Variants in EPB41L3 observed in about 807,000 individuals in gnomAD.
EPB41L3 encodes the protein erythrocyte membrane protein band 4.1 like 3.
In EPB41L3, 57 loss-of-function variants were observed where a neutral mutation model predicts 127.1. That is an observed-to-expected ratio of 0.45 (90% CI 0.36 to 0.56). EPB41L3 has a LOEUF of 0.56. Ranked by LOEUF, EPB41L3 falls within the 20% of genes least tolerant of loss-of-function variation. The pLI is 0.00. For missense variants in EPB41L3, 1,273 were observed against 1,372.2 expected (o/e 0.93, Z 1.14); for synonymous variants, 572 against 549.5 (o/e 1.04, Z -0.57).
At chr18:5,529,436 A>T (rs2093341567) in intron 1 of EPB41L3, among the ~76,000 whole-genome samples, 2 of 152,078 alleles carry the variant, frequency 1.3e-5, no homozygotes, top group South Asian at 4.1e-4. Flanking sequence ...TCTCAGCCCT[A>T]GCCCACTGCA....
At chr18:5,545,064 CAT>C (rs1354314944), upstream of EPB41L3, among the ~76,000 whole-genome samples, 1 of 152,106 alleles carries the variant, frequency 6.6e-6, no homozygotes, top group African/African-American at 2.4e-5. Flanking sequence ...TATCAACTCA[CAT>C]AGTTATGCAT....
At position 5,398,121 on chromosome 18, in the gene EPB41L3, T is replaced by A. The variant is rs1307479681; in HGVS notation, c.2372A>T (p.Lys791Met). ...GAAGATTTCAGAGCCATCCATGAGC[T>A]TTTCCCCAGAAGACTGCTTAGTCTG... is the stretch of plus-strand genomic sequence containing the variant. ...PEETKQSSGE[K>M]LMDGSEIFSL... is the part of the protein sequence containing the mutation. The change falls in exon 17 of 23, where the codon AAG becomes ATG. Residue 791 changes from lysine (K) to methionine (M), a missense_variant. Coordinates refer to ENST00000341928, the MANE Select transcript of EPB41L3 (RefSeq NM_012307.5). The A allele has an allele frequency of 3.1e-6, 5 of 1,613,928 alleles. No individual in the cohort carries two copies. In the Admixed American group the frequency reaches 5.0e-5, roughly 16 times the overall value.
intron 15 of EPB41L3, chr18:5,407,279 C>G (rs964437316): frequency 7.4e-6 from 3 of 404,448 alleles, no homozygotes; most frequent in African/African-American, 6.0e-5. Context: ...GAAAAGGGAT[C>G]TATATCTAGG....
At chr18:5,488,058 C>T (rs1388420152) in intron 2 of EPB41L3, among the ~76,000 whole-genome samples, 1 of 152,094 alleles carries the variant, frequency 6.6e-6, no homozygotes, top group African/African-American at 2.4e-5. Flanking sequence ...AGACAAAAGA[C>T]ATTTAAATAT....
intron 3 of EPB41L3, among the ~76,000 whole-genome samples, chr18:5,572,608 C>T (rs1244916209): frequency 6.6e-6 from 1 of 152,206 alleles, no homozygotes; most frequent in East Asian, 1.9e-4. Context: ...GGGTCTCACT[C>T]TGTTGCCCAG....
intron 1 of EPB41L3, among the ~76,000 whole-genome samples, chr18:5,504,215 T>A (rs747446961): frequency 6.6e-6 from 1 of 152,162 alleles, no homozygotes; most frequent in African/African-American, 2.4e-5. Context: ...CCCAGGACTT[T>A]CAGTTCAACT....
At chr18:5,549,571 T>C (rs981311771) in intron 3 of EPB41L3, among the ~76,000 whole-genome samples, 6 of 152,162 alleles carry the variant, frequency 3.9e-5, no homozygotes, top group Non-Finnish European at 5.9e-5. Flanking sequence ...TCTGTGTCAA[T>C]AAAAATCTTA....
chr18:5,406,579 C>T (rs2075422891), intron 16 of EPB41L3, among the ~76,000 whole-genome samples, 198 bp downstream of exon 16: 1 of 152,190 alleles, frequency 6.6e-6, no homozygotes, highest in Non-Finnish European at 1.5e-5. Context: ...CCATCTGATG[C>T]TATTACTCAC....
intron 1 of EPB41L3, among the ~76,000 whole-genome samples, chr18:5,540,000 T>C (rs1273858305): frequency 2.0e-5 from 3 of 152,196 alleles, no homozygotes; most frequent in Admixed American, 2.0e-4. Context: ...GCCTACCCAA[T>C]AAGTAAATTG....
chr18:5,559,053 A>T (rs2094083250), intron 3 of EPB41L3, among the ~76,000 whole-genome samples: 1 of 152,202 alleles, frequency 6.6e-6, no homozygotes, highest in East Asian at 1.9e-4. Context: ...ATAAGATCTC[A>T]AAAAAAGAAT....
chr18:5,464,327 C>CA (rs1285689098), intron 3 of EPB41L3, among the ~76,000 whole-genome samples: 2 of 152,136 alleles, frequency 1.3e-5, no homozygotes, highest in Non-Finnish European at 2.9e-5. Flanking sequence ...CCATTATGCA[C>CA]AATCTGAACC....
At position 5,536,530 on chromosome 18, in the gene EPB41L3, G is replaced by A. The variant is rs184378451; in HGVS notation, c.-12+7383C>T. Among the ~76,000 whole-genome samples the A allele has an allele frequency of 2.4e-3, 368 of 151,530 alleles. 1 individual carries two copies. The highest frequency in any genetic ancestry group is 7.7e-3 in the African/African-American group (319 of 41,262). On this transcript the variant is annotated intron_variant, in intron 1 of 22. Transcript: ENST00000341928. ...AAAAAAAAAAAATTTGGCCTGGTGC[G>A]GTGGCTCACACCTGTAATCCCAGCA...
At chr18:5,627,226 T>G (rs1258433811) in intron 1 of EPB41L3, among the ~76,000 whole-genome samples, 1 of 152,162 alleles carries the variant, frequency 6.6e-6, no homozygotes, top group Non-Finnish European at 1.5e-5. Context: ...CACAATAGCC[T>G]CAAAATCATA....
At chr18:5,526,152 G>A (rs2093212727) in intron 1 of EPB41L3, among the ~76,000 whole-genome samples, 1 of 152,164 alleles carries the variant, frequency 6.6e-6, no homozygotes, top group Non-Finnish European at 1.5e-5. Flanking sequence ...ACATAATCCT[G>A]ACTGTCCATG....
intron 3 of EPB41L3, among the ~76,000 whole-genome samples, chr18:5,450,046 C>T (rs369243090): frequency 1.3e-5 from 2 of 151,938 alleles, no homozygotes; most frequent in Non-Finnish European, 2.9e-5. Flanking sequence ...TAAGTGAAAC[C>T]GTGGAAAACA....
intron 3 of EPB41L3, chr18:5,577,595 A>T (rs569320334): frequency 3.6e-4 from 84 of 233,902 alleles, no homozygotes; most frequent in African/African-American, 1.9e-3. Context: ...TGTCCTTCAG[A>T]TTCTTCTTCT....
At chr18:5,469,061 G>A (rs937639978) in intron 3 of EPB41L3, among the ~76,000 whole-genome samples, 1 of 152,188 alleles carries the variant, frequency 6.6e-6, no homozygotes, top group Non-Finnish European at 1.5e-5. Context: ...CCATCCAGTT[G>A]CCCACGTACC....
chr18:5,508,675 G>A (rs1474112255), intron 1 of EPB41L3, among the ~76,000 whole-genome samples: 1 of 148,982 alleles, frequency 6.7e-6, no homozygotes. Flanking sequence ...GCTGAGGCAG[G>A]AGAATCACTT....
rs374482021 is a variant in EPB41L3, at chr18:5,617,508, C to T, written c.-467-3085G>A. ...TAATTTTTTGTATTTTTAGTAGAGA[C>T]GGGGTTTCACCGTTTTAGCCGGGAT... On this transcript the variant is annotated intron_variant, in intron 1 of 21. Coordinates refer to the EPB41L3 transcript ENST00000545076. 1.6e-3 allele frequency among the ~76,000 whole-genome samples: 246 copies of T among 152,088 alleles called. 1 individual carries two copies. Among genetic ancestry groups the T allele is most frequent in the Non-Finnish European group, 1.7e-3 (113 of 67,992 alleles).
Sources: allele counts gnomAD v4.1 joint callset (sites outside exome capture counted in the v4.1 genomes callset), GRCh38; gene constraint gnomAD v4.1.1; transcripts MANE v1.5; gene names NCBI Gene and HGNC (gene_info 2026-07-23, HGNC 2026-07-21).